ADAMTS20: variants seen among roughly 807,000 people sequenced by gnomAD.
The protein encoded by ADAMTS20 is A disintegrin and metalloproteinase with thrombospondin motifs 20.
A neutral mutation model predicts 260.1 loss-of-function variants in ADAMTS20; 225 were observed. The ratio of observed to expected loss-of-function variants is 0.87; its 90% CI spans 0.78 to 0.97. The LOEUF (loss-of-function observed/expected upper bound fraction) is 0.97, where lower values mean the gene tolerates loss of function less well. ADAMTS20 is among the 50% of genes least tolerant of loss of function. The probability of loss-of-function intolerance (pLI) is 0.00; values close to 1 mark genes in which losing one functional copy is unlikely to be tolerated. For missense variants in ADAMTS20, 2,400 were observed against 2,337.7 expected (o/e 1.03, Z -0.55); for synonymous variants, 802 against 769.5 (o/e 1.04, Z -0.70).
At chr12:43,491,626 A>T (rs1311397913) in intron 6 of ADAMTS20, among the ~76,000 whole-genome samples, 1 of 152,208 alleles carries the variant, frequency 6.6e-6, no homozygotes, top group South Asian at 2.1e-4. Flanking sequence ...TTGTAAAATG[A>T]ATAATAATTT....
chr12:43,361,499 T>C (rs941766847), intron 37 of ADAMTS20, among the ~76,000 whole-genome samples: 8 of 152,246 alleles, frequency 5.3e-5, no homozygotes, highest in Admixed American at 3.9e-4. Flanking sequence ...AAGAGAGACA[T>C]CTCGCCCCAG....
intron 15 of ADAMTS20, among the ~76,000 whole-genome samples, chr12:43,445,153 A>G (rs1941737295): frequency 6.6e-6 from 1 of 152,224 alleles, no homozygotes; most frequent in Admixed American, 6.5e-5. Context: ...CAGAAATGTG[A>G]CAAATGCTAA....
At chr12:43,404,641 A>T (rs1454797489) in intron 28 of ADAMTS20, among the ~76,000 whole-genome samples, 1 of 152,138 alleles carries the variant, frequency 6.6e-6, no homozygotes, top group Non-Finnish European at 1.5e-5. Context: ...ATGGATGAAG[A>T]TATATATATT....
chr12:43,427,387 T>A lies in ADAMTS20; in HGVS notation c.4028A>T (p.Asp1343Val). ...DENGQSASYC[D>V]AASKPPELQQ... ...TAACTCTGGAGGCTTGGAGGCTGCA[T>A]CGCAGTAACTAGCACTTTGTCCATT... Residue 1343 changes from aspartate to valine, a missense_variant, in exon 27 of 39, where the codon GAT becomes GTT. Coordinates refer to ENST00000389420, the MANE Select transcript of ADAMTS20 (RefSeq NM_025003.5). The A allele has an allele frequency of 6.2e-7, 1 of 1,613,960 alleles. No homozygotes were observed. Among genetic ancestry groups the A allele is most frequent in the Non-Finnish European group, 8.5e-7 (1 of 1,179,874 alleles).
At chr12:43,443,978 C>T in intron 15 of ADAMTS20, 95 bp from the exon 16 acceptor site, 1 of 919,836 alleles carries the variant, frequency 1.1e-6, no homozygotes, top group Non-Finnish European at 1.7e-6. Context: ...ATAGCATAGT[C>T]AGACTTAATT....
At chr12:43,467,162 A>C (rs1942169766) in intron 8 of ADAMTS20, among the ~76,000 whole-genome samples, 1 of 152,072 alleles carries the variant, frequency 6.6e-6, no homozygotes. Context: ...GTAATACCAC[A>C]CTAAATTCTA....
At chr12:43,429,863 T>G in intron 23 of ADAMTS20, 139 bp from the exon 24 acceptor site, 1 of 578,752 alleles carries the variant, frequency 1.7e-6, no homozygotes, top group Non-Finnish European at 2.9e-6. Flanking sequence ...GTTTTCATTT[T>G]CAAAAGCACT....
chr12:43,380,990 A>G (rs73100565), intron 31 of ADAMTS20, among the ~76,000 whole-genome samples: 8,915 of 152,284 alleles, frequency 0.059, 334 homozygotes, highest in Middle Eastern at 0.18. Flanking sequence ...AAAACTTACT[A>G]TAAAATTACA....
intron 3 of ADAMTS20, among the ~76,000 whole-genome samples, chr12:43,519,163 T>TA (rs1943038767): frequency 6.6e-6 from 1 of 152,084 alleles, no homozygotes; most frequent in Non-Finnish European, 1.5e-5. Flanking sequence ...TACTGTGACT[T>TA]AAAATGTCCT....
intron 28 of ADAMTS20, among the ~76,000 whole-genome samples, chr12:43,401,197 T>C (rs1341763885): frequency 6.6e-6 from 1 of 151,984 alleles, no homozygotes; most frequent in Non-Finnish European, 1.5e-5. Flanking sequence ...TTTAAATTCA[T>C]TCTTGAAGGA....
rs762981371 is a variant in ADAMTS20 at position 43,431,403 on chromosome 12, T to C, written c.3190A>G (p.Thr1064Ala). 5 of 1,613,970 alleles carry C rather than the reference T, an allele frequency of 3.1e-6. No individual in the cohort carries two copies. The South Asian group carries it at 4.4e-5, about 14-fold the overall frequency. ...HLSDGFCNSS[T>A]KPESLSPCEL... ...CATGGACTCAGAGATTCAGGTTTGGTACTTGAATTACAGAAGCCATCACTC... is the reference window on the plus strand; with the variant it reads ...CATGGACTCAGAGATTCAGGTTTGGCACTTGAATTACAGAAGCCATCACTC... Residue 1064 changes from threonine to alanine, a missense_variant, in exon 22 of 39, where the codon ACC becomes GCC. Physicochemically the swap from Thr to Ala is moderately conservative, Grantham distance 58. Coordinates refer to ENST00000389420, the MANE Select transcript of ADAMTS20 (RefSeq NM_025003.5).
At chr12:43,403,383 C>G (rs938616101) in intron 28 of ADAMTS20, among the ~76,000 whole-genome samples, 10 of 151,878 alleles carry the variant, frequency 6.6e-5, no homozygotes, top group Admixed American at 4.6e-4. Context: ...GAAATGGAAG[C>G]CTTGTTTTTT....
At chr12:43,491,101 T>C (rs1942592911) in intron 6 of ADAMTS20, among the ~76,000 whole-genome samples, 2 of 152,176 alleles carry the variant, frequency 1.3e-5, no homozygotes, top group South Asian at 4.1e-4. Flanking sequence ...CAGTCAACAA[T>C]GGACTGCATA....
rs528365214 is a variant in ADAMTS20, at chr12:43,492,746, T to C, written c.952-117A>G. The C allele has an allele frequency of 8.9e-6, 10 of 1,123,016 alleles. No homozygotes were observed. In the East Asian group the frequency reaches 2.2e-4, roughly 25 times the overall value. The allele number at this position is 1,123,016 out of a possible 1,614,324, so 69.6% of individuals were successfully genotyped here. ...GCATTCTCACAGGTGAATGAAGGAG[T>C]GACAGCATCTCTTCTTCATATATTA... On this transcript the variant is annotated intron_variant, in intron 5 of 38. Transcript: ENST00000389420.
At chr12:43,407,492 T>G (rs1218679590) in intron 28 of ADAMTS20, among the ~76,000 whole-genome samples, 2 of 151,680 alleles carry the variant, frequency 1.3e-5, no homozygotes, top group Admixed American at 1.3e-4. Context: ...CTATAATTAT[T>G]AATATTTTCT....
intron 3 of ADAMTS20, among the ~76,000 whole-genome samples, chr12:43,527,063 G>C (rs1943153242): frequency 6.6e-6 from 1 of 152,118 alleles, no homozygotes; most frequent in Admixed American, 6.6e-5. Flanking sequence ...ATGAATACCT[G>C]TATGCACACA....
chr12:43,484,905 C>T (rs991285784), intron 7 of ADAMTS20, among the ~76,000 whole-genome samples: 5 of 152,066 alleles, frequency 3.3e-5, no homozygotes, highest in African/African-American at 7.2e-5. Flanking sequence ...AGTCATCAGG[C>T]TATCTAAAGT....
chr12:43,452,670 C>T lies in ADAMTS20; in HGVS notation c.1786G>A (p.Val596Met), dbSNP rs1172094287. The T allele has an allele frequency of 2.5e-6, 4 of 1,609,524 alleles. No individual in the cohort carries two copies. The African/African-American group carries it at 4.0e-5, about 16-fold the overall frequency. The change falls in exon 13 of 39, where the codon GTG becomes ATG. Residue 596 changes from valine to methionine, a missense_variant. Coordinates refer to ENST00000389420, the MANE Select transcript of ADAMTS20 (RefSeq NM_025003.5). Reference protein sequence around the residue: ...PEPRNGGNYCVGRRMKFRSCN... With the variant: ...PEPRNGGNYCMGRRMKFRSCN... Reference sequence around the variant, plus strand: ...GATCGAAATTTCATCCTGCGGCCCACACAGTAATTTCCTCCGTTTCTTGGC... The same window carrying T: ...GATCGAAATTTCATCCTGCGGCCCATACAGTAATTTCCTCCGTTTCTTGGC...
intron 4 of ADAMTS20, among the ~76,000 whole-genome samples, chr12:43,494,936 C>T (rs1248824020): frequency 6.6e-6 from 1 of 152,078 alleles, no homozygotes; most frequent in African/African-American, 2.4e-5. Context: ...AAATGAAAAA[C>T]AGCTGTGAAG....
Sources: gnomAD v4.1 joint callset for allele counts (sites outside exome capture counted in the v4.1 genomes callset) on GRCh38, gnomAD v4.1.1 for gene constraint, MANE v1.5 for transcripts, NCBI Gene and HGNC (gene_info 2026-07-23, HGNC 2026-07-21) for gene names.